TRAPPC9: variants seen among roughly 807,000 people sequenced by gnomAD.
TRAPPC9 encodes IKK2 binding protein.
Under a neutral mutation model 124.0 loss-of-function variants are expected in TRAPPC9, and 83 were observed. The observed-to-expected ratio is 0.67, with a 90% confidence interval of 0.56 to 0.80. The LOEUF is 0.80. Among genes scored for constraint, TRAPPC9 ranks in the 30% least tolerant of loss-of-function variants. The pLI, the probability that TRAPPC9 is intolerant of heterozygous loss-of-function variation, is 0.00. For synonymous variants in TRAPPC9, 638 were observed against 617.5 expected, an observed-to-expected ratio of 1.03 and a Z score of -0.49; for missense variants, 1,302 against 1,508.3, an observed-to-expected ratio of 0.86 and a Z score of 2.27.
At chr8:140,275,864 G>C in intron 14 of TRAPPC9, 43 bp from the exon 15 acceptor site, 1 of 1,515,132 alleles carries the variant, frequency 6.6e-7, no homozygotes, top group Non-Finnish European at 9.1e-7. Context: ...GAAGGAAGAA[G>C]CCAAGGCCAT....
intron 21 of TRAPPC9, among the ~76,000 whole-genome samples, chr8:139,883,521 T>G (rs1304492410): frequency 6.6e-6 from 1 of 152,244 alleles, no homozygotes; most frequent in East Asian, 1.9e-4. Context: ...CAGGCTGTTC[T>G]GTGCTGAGAG....
chr8:139,770,929 C>T (rs926562994), intron 21 of TRAPPC9, among the ~76,000 whole-genome samples: 1 of 152,156 alleles, frequency 6.6e-6, no homozygotes, highest in Admixed American at 6.5e-5. Flanking sequence ...CCACGCCTCT[C>T]CTGATGCGTC....
chr8:139,797,311 G>A (rs772672088), intron 21 of TRAPPC9, among the ~76,000 whole-genome samples: 2 of 152,132 alleles, frequency 1.3e-5, no homozygotes, highest in Non-Finnish European at 2.9e-5. Context: ...CCAGGCTGGA[G>A]TGCAGTGGCG....
intron 5 of TRAPPC9, among the ~76,000 whole-genome samples, chr8:140,408,478 G>A (rs1399512006): frequency 2.6e-5 from 4 of 152,088 alleles, no homozygotes; most frequent in Admixed American, 2.6e-4. Context: ...GATGGATGCC[G>A]CTTGAGAAAG....
chr8:140,413,609 A>G, intron 5 of TRAPPC9, among the ~76,000 whole-genome samples: 1 of 145,574 alleles, frequency 6.9e-6, no homozygotes, highest in Middle Eastern at 3.2e-3. Flanking sequence ...TACTGCACCC[A>G]TTAACTCGTC....
At chr8:139,910,751 C>T (rs990026009) in intron 19 of TRAPPC9, among the ~76,000 whole-genome samples, 5 of 149,202 alleles carry the variant, frequency 3.4e-5, no homozygotes, top group South Asian at 2.1e-4. Context: ...CTACCATTTC[C>T]TTCTCAGGCC....
At chr8:139,884,584 C>T (rs1052810763) in intron 21 of TRAPPC9, among the ~76,000 whole-genome samples, 5 of 152,212 alleles carry the variant, frequency 3.3e-5, no homozygotes, top group South Asian at 2.1e-4. Context: ...CCCCATCTCA[C>T]GGCCAGGGGG....
At chr8:139,817,134 G>C (rs577475707) in intron 21 of TRAPPC9, among the ~76,000 whole-genome samples, 1 of 151,088 alleles carries the variant, frequency 6.6e-6, no homozygotes, top group South Asian at 2.1e-4. Flanking sequence ...CTGGTGCTCT[G>C]TGCAGGTCAG....
At chr8:140,414,398 G>C (rs1488053404) in intron 5 of TRAPPC9, among the ~76,000 whole-genome samples, 1 of 152,100 alleles carries the variant, frequency 6.6e-6, no homozygotes, top group African/African-American at 2.4e-5. Flanking sequence ...ACCAGGCATG[G>C]TGTCATGGCC....
chr8:139,879,964 G>A (rs984366257), intron 21 of TRAPPC9, among the ~76,000 whole-genome samples: 1 of 152,182 alleles, frequency 6.6e-6, no homozygotes, highest in African/African-American at 2.4e-5. Context: ...GGGATTTGAA[G>A]CCAAGATCGT....
chr8:139,971,478 T>A (rs1295697411), intron 19 of TRAPPC9, among the ~76,000 whole-genome samples: 1 of 152,050 alleles, frequency 6.6e-6, no homozygotes, highest in African/African-American at 2.4e-5. Context: ...CAGAAAGCTG[T>A]CCCCAACACC....
chr8:139,943,310 A>G (rs2614753), intron 19 of TRAPPC9, among the ~76,000 whole-genome samples: 135,931 of 152,224 alleles, frequency 0.89, 60,807 homozygotes, highest in Middle Eastern at 0.99. Flanking sequence ...CAGGTGATTC[A>G]CCTGTCTTGG....
At chr8:140,313,611 G>A (rs2066364823) in intron 9 of TRAPPC9, among the ~76,000 whole-genome samples, 1 of 152,088 alleles carries the variant, frequency 6.6e-6, no homozygotes, top group Admixed American at 6.5e-5. Flanking sequence ...CTTTGTGGAA[G>A]GCCAGGTTGG....
intron 1 of TRAPPC9, among the ~76,000 whole-genome samples, chr8:140,454,615 G>A (rs1314182009): frequency 6.9e-6 from 1 of 144,894 alleles, no homozygotes; most frequent in African/African-American, 2.6e-5. Context: ...ACTCCAGCCT[G>A]GGCAATAAGA....
chr8:139,857,661 G>A lies in TRAPPC9; in HGVS notation c.3055+28218C>T, dbSNP rs374571105. Among the ~76,000 whole-genome samples the A allele has an allele frequency of 1.4e-3, 219 of 152,306 alleles. 2 individuals are homozygous for A. Among genetic ancestry groups the A allele is most frequent in the African/African-American group, 4.6e-3 (193 of 41,574 alleles). ...AGAGTCAGGAGCTGAGCATGGGGCC[G>A]TCTGACCACCTCTGCCTCCTCCCTG... On this transcript the variant is annotated intron_variant, in intron 21 of 22. Transcript: ENST00000438773.
rs34319639 is a variant in TRAPPC9, at chr8:140,376,553, TAAAAAAAAAA to T, written c.1135-5383_1135-5374del. Among the ~76,000 whole-genome samples, 76 of 49,762 alleles carry T rather than the reference TAAAAAAAAAA, an allele frequency of 1.5e-3. No individual in the cohort carries two copies. In the East Asian group the frequency reaches 0.041, roughly 27 times the overall value. 32.6% of individuals were successfully genotyped at this position (49,762 alleles called of 152,430 possible). On this transcript the variant is annotated intron_variant, in intron 7 of 22. Coordinates refer to ENST00000438773, the MANE Select transcript of TRAPPC9 (RefSeq NM_001160372.4). ...CCTGGGCACAGAGCAAGACTCCATCTAAAAAAAAAAAAAAAAAAAAAAAAAGAATCACAGT... is the reference window on the plus strand; with the variant it reads ...CCTGGGCACAGAGCAAGACTCCATCTAAAAAAAAAAAAAAAGAATCACAGT...
At chr8:140,023,547 T>C (rs924560926) in intron 18 of TRAPPC9, among the ~76,000 whole-genome samples, 14 of 152,150 alleles carry the variant, frequency 9.2e-5, no homozygotes, top group Non-Finnish European at 1.5e-5. Context: ...GCAGAAGAGA[T>C]GCTGGACTTG....
At chr8:139,783,425 G>A (rs771526111) in intron 21 of TRAPPC9, among the ~76,000 whole-genome samples, 9 of 152,128 alleles carry the variant, frequency 5.9e-5, no homozygotes, top group Admixed American at 3.3e-4. Flanking sequence ...TGACAACATA[G>A]ATAAAATGGA....
intron 19 of TRAPPC9, among the ~76,000 whole-genome samples, chr8:139,954,355 T>TA (rs1475647672): frequency 6.6e-6 from 1 of 152,188 alleles, no homozygotes; most frequent in East Asian, 1.9e-4. Flanking sequence ...TCATATGTTG[T>TA]ACGCTTCCCC....
Sources: gnomAD v4.1 joint callset for allele counts (sites outside exome capture counted in the v4.1 genomes callset) on GRCh38, gnomAD v4.1.1 for gene constraint, MANE v1.5 for transcripts, NCBI Gene and HGNC (gene_info 2026-07-23, HGNC 2026-07-21) for gene names.